Variants in GIGYF2 observed in about 807,000 individuals in gnomAD.
GIGYF2 encodes the protein GRB10-interacting GYF protein 2.
A neutral mutation model predicts 208.1 loss-of-function variants in GIGYF2; 25 were observed. The ratio of observed to expected loss-of-function variants is 0.12; its 90% confidence interval spans 0.09 to 0.17. The LOEUF (loss-of-function observed/expected upper bound fraction) is 0.17. GIGYF2 is among the 10% of genes least tolerant of loss of function. The probability of loss-of-function intolerance (pLI) is 1.00; values close to 1 mark genes in which losing one functional copy is unlikely to be tolerated. For synonymous variants in GIGYF2, 534 were observed against 543.8 expected (o/e 0.98, Z 0.25); for missense variants, 1,302 against 1,579.4 (o/e 0.82, Z 2.98).
chr2:232,808,887 T>G (rs576677808), intron 15 of GIGYF2, among the ~76,000 whole-genome samples: 1 of 152,264 alleles, frequency 6.6e-6, no homozygotes, highest in East Asian at 1.9e-4. Context: ...CAGTTTATTT[T>G]GGGGGAGAGA....
intron 25 of GIGYF2, among the ~76,000 whole-genome samples, chr2:232,844,992 G>GGTT (rs1701952804): frequency 2.6e-5 from 4 of 151,984 alleles, no homozygotes; most frequent in Admixed American, 1.3e-4. Flanking sequence ...ATTTTTATAA[G>GGTT]TTAGTTACAT....
chr2:232,760,308 CT>C, intron 6 of GIGYF2, 171 bp from the exon 7 acceptor site: 1 of 610,892 alleles, frequency 1.6e-6, no homozygotes. Flanking sequence ...GGTCCAGCTA[CT>C]TCAATGCCAT....
chr2:232,786,581 T>C (rs369660074), intron 8 of GIGYF2, among the ~76,000 whole-genome samples: 1 of 152,196 alleles, frequency 6.6e-6, no homozygotes, highest in African/African-American at 2.4e-5. Context: ...CGGCCTGAAA[T>C]GTACAGATAT....
intron 21 of GIGYF2, among the ~76,000 whole-genome samples, chr2:232,831,156 A>G (rs866679323): frequency 6.6e-6 from 1 of 152,108 alleles, no homozygotes; most frequent in East Asian, 1.9e-4. Context: ...CTGAAGTAGT[A>G]TTTGCCAGGT....
At chr2:232,729,874 TC>T (rs1697375060) in intron 2 of GIGYF2, 2 of 737,454 alleles carry the variant, frequency 2.7e-6, no homozygotes, top group African/African-American at 1.7e-5. Flanking sequence ...ACTTTTCTCC[TC>T]CCATCAGCTC....
chr2:232,790,848 G>C lies in GIGYF2; in HGVS notation c.863G>C (p.Trp288Ser). ...GATGACAGGGATAGCTTGCCCGAATGGTGCTTAGAGGATGCTGAAGAAGAA... is the reference window on the plus strand; with the variant it reads ...GATGACAGGGATAGCTTGCCCGAATCGTGCTTAGAGGATGCTGAAGAAGAA... The part of the protein sequence containing the change: ...IDDDRDSLPE[W>S]CLEDAEEEMG... Residue 288 changes from tryptophan to serine, a missense_variant, in exon 10 of 29, where the codon TGG (tryptophan) becomes TCG (serine). By Grantham distance (177) the Trp-to-Ser change is radical (BLOSUM62 -3). Around this residue, in one of 8 missense-constraint regions of GIGYF2, gnomAD observed 6 missense variants for 21.5 expected, o/e 0.28. Coordinates refer to ENST00000373563, the MANE Select transcript of GIGYF2 (RefSeq NM_001103146.3). The C allele has an allele frequency of 6.2e-7, 1 of 1,614,118 alleles. No homozygotes were observed. The highest frequency in any genetic ancestry group is 8.5e-7 in the Non-Finnish European group (1 of 1,179,998).
Position 232,844,352 on chromosome 2 carries a change from C to T in GIGYF2, c.3100-17C>T, listed in dbSNP as rs1559165849. 1 of 1,612,336 alleles carries T rather than the reference C, an allele frequency of 6.2e-7. No individual in the cohort carries two copies. The highest frequency in any genetic ancestry group is 1.7e-5 in the Admixed American group (1 of 60,024). On this transcript the variant is annotated splice_polypyrimidine_tract_variant and intron_variant, in intron 24 of 28. Coordinates refer to ENST00000373563, the MANE Select transcript of GIGYF2 (RefSeq NM_001103146.3). ...AACATGATTCACGATAATCATTTTT[C>T]TCTTTTTCTTTAACAGCATTCCAAC...
chr2:232,716,988 T>C (rs1282788313), intron 2 of GIGYF2, among the ~76,000 whole-genome samples: 1 of 151,806 alleles, frequency 6.6e-6, no homozygotes, highest in African/African-American at 2.4e-5. Flanking sequence ...GTTGTTTTTT[T>C]TTTTTTGTAG....
At chr2:232,821,644 T>G (rs1475290604) in intron 21 of GIGYF2, among the ~76,000 whole-genome samples, 1 of 152,244 alleles carries the variant, frequency 6.6e-6, no homozygotes, top group Non-Finnish European at 1.5e-5. Flanking sequence ...CATGTCTATT[T>G]ATTTTCCTAG....
Position 232,856,899 on chromosome 2 carries a change from C to A in GIGYF2, c.*39C>A. The A allele has an allele frequency of 1.4e-6, 2 of 1,382,190 alleles. No homozygotes were observed. Among genetic ancestry groups the A allele is most frequent in the Non-Finnish European group, 2.1e-6 (2 of 967,820 alleles). The allele number at this position is 1,382,190 out of a possible 1,614,324, so 85.6% of individuals were successfully genotyped here. A position where few individuals can be genotyped will look rare whatever the true frequency, so the allele number is the denominator to read the frequency against. Reference sequence around the variant, plus strand: ...GACTGGCCATCCCTCTCCTGTCTGCCGACTATGGAGTCTCCACCTTTGGAC... The same window carrying A: ...GACTGGCCATCCCTCTCCTGTCTGCAGACTATGGAGTCTCCACCTTTGGAC... On this transcript the variant is annotated 3_prime_UTR_variant, in exon 29 of 29. Transcript: ENST00000373563.
intron 21 of GIGYF2, among the ~76,000 whole-genome samples, chr2:232,823,106 G>A (rs1701144030): frequency 6.6e-6 from 1 of 151,950 alleles, no homozygotes; most frequent in Non-Finnish European, 1.5e-5. Context: ...TGATCATTTA[G>A]TTTTTTCATT....
At chr2:232,836,307 T>A (rs1449674081) in intron 22 of GIGYF2, among the ~76,000 whole-genome samples, 41 of 19,950 alleles carry the variant, frequency 2.1e-3, no homozygotes, top group African/African-American at 5.0e-3. Flanking sequence ...TATATATATA[T>A]ATATATATAT....
At chr2:232,760,301 C>A in intron 6 of GIGYF2, 179 bp from the exon 7 acceptor site, 1 of 592,734 alleles carries the variant, frequency 1.7e-6, no homozygotes, top group Non-Finnish European at 3.0e-6. Context: ...CTCTTGTGGT[C>A]CAGCTACTTC....
At chr2:232,698,587 C>T (rs1489720025) in intron 1 of GIGYF2, among the ~76,000 whole-genome samples, 3 of 152,186 alleles carry the variant, frequency 2.0e-5, no homozygotes, top group African/African-American at 7.2e-5. Flanking sequence ...AACACAAATA[C>T]TTTCTCTTAT....
intron 15 of GIGYF2, among the ~76,000 whole-genome samples, chr2:232,809,092 G>A (rs1006989523): frequency 2.0e-5 from 3 of 152,096 alleles, no homozygotes; most frequent in Admixed American, 2.0e-4. Context: ...CTACAGGCAT[G>A]TGCCACCACA....
intron 3 of GIGYF2, among the ~76,000 whole-genome samples, chr2:232,738,308 C>G (rs1697828139): frequency 1.3e-5 from 2 of 152,056 alleles, no homozygotes; most frequent in African/African-American, 4.8e-5. Flanking sequence ...ATCATCAGAG[C>G]AGTTTAAAAG....
At chr2:232,845,910 G>A (rs778276026) in intron 26 of GIGYF2, 24 bp downstream of exon 26, 46 of 1,485,732 alleles carry the variant, frequency 3.1e-5, no homozygotes, top group South Asian at 3.0e-4. Context: ...AGGGAAACCC[G>A]GCATGTGGAA....
rs1434820047 is a variant in GIGYF2 at position 232,859,723 on chromosome 2, A to G, written c.*2863A>G. The stretch of plus-strand genomic sequence containing the variant: ...TTAGGCAAGCTGTCCAAGATGGCTC[A>G]CTCGTGTAATGACAGTTGACGTTGG... On this transcript the variant is annotated 3_prime_UTR_variant, in exon 29 of 29. Transcript: ENST00000373563. 3 of 152,158 alleles carry G rather than the reference A, an allele frequency of 2.0e-5. No homozygotes were observed. The highest frequency in any genetic ancestry group is 2.9e-5 in the Non-Finnish European group (2 of 68,054). The allele number at this position is 152,158 out of a possible 1,614,324, so 9.4% of individuals were successfully genotyped here. A position where few individuals can be genotyped will look rare whatever the true frequency, so the allele number is the denominator to read the frequency against.
intron 23 of GIGYF2, 94 bp downstream of exon 23, chr2:232,840,065 C>T (rs986797618): frequency 1.5e-6 from 2 of 1,291,386 alleles, no homozygotes; most frequent in African/African-American, 2.9e-5. Context: ...CAATTACTGT[C>T]AGAATTGTTG....
Sources: gnomAD v4.1 joint callset for allele counts (sites outside exome capture counted in the v4.1 genomes callset) on GRCh38, gnomAD v4.1.1 for gene constraint, gnomAD v4.1.1 regional missense constraint, MANE v1.5 for transcripts, NCBI Gene and HGNC (gene_info 2026-07-23, HGNC 2026-07-21) for gene names.